The following SNX29 variants were observed in gnomAD, a reference collection of about 807,000 sequenced individuals.
The protein encoded by SNX29 is sorting nexin-29.
A neutral mutation model predicts 102.1 loss-of-function variants in SNX29; 78 were observed. That is an observed-to-expected ratio of 0.76 (90% CI 0.64 to 0.92). SNX29 has a LOEUF of 0.92. SNX29 is among the 40% of genes least tolerant of loss of function. The probability of loss-of-function intolerance (pLI) is 0.00; values close to 1 mark genes in which losing one functional copy is unlikely to be tolerated. For synonymous variants in SNX29, 580 were observed against 414.5 expected, an observed-to-expected ratio of 1.40 and a Z score of -4.85; for missense variants, 1,280 against 1,061.7, an observed-to-expected ratio of 1.21 and a Z score of -2.86.
At chr16:12,109,366 G>A (rs1016008486) in intron 11 of SNX29, among the ~76,000 whole-genome samples, 10 of 151,884 alleles carry the variant, frequency 6.6e-5, no homozygotes, top group African/African-American at 2.4e-4. Flanking sequence ...CACTCCCGTG[G>A]TACCCCATGC....
chr16:12,096,646 G>A lies in SNX29; in HGVS notation c.1402+17731G>A, dbSNP rs2052778949. ...ATGATTGGATGGGGCAAAACGGGAG[G>A]CAATGGGGTCATGTGGGAGTGATGT... On this transcript the variant is annotated intron_variant, in intron 11 of 20. Transcript: ENST00000566228. This position sits in a 1 kb window ranked among gnomAD's most constrained non-coding sequence, Gnocchi z 4.2. Among the ~76,000 whole-genome samples the A allele has an allele frequency of 6.6e-6, 1 of 152,208 alleles. No homozygotes were observed. Among genetic ancestry groups the A allele is most frequent in the South Asian group, 2.1e-4 (1 of 4,826 alleles).
At chr16:12,329,312 A>C (rs2081225589) in intron 15 of SNX29, among the ~76,000 whole-genome samples, 1 of 143,826 alleles carries the variant, frequency 7.0e-6, no homozygotes, top group South Asian at 2.2e-4. Flanking sequence ...AAATACCCCC[A>C]GTAGCTCTAG....
In SNX29 at chr16:12,126,643, C is replaced by T. The variant is rs376551482; in HGVS notation, c.1413C>T (p.Arg471=). 103 of 1,613,876 alleles carry T rather than the reference C, an allele frequency of 6.4e-5. No individual in the cohort carries two copies. The highest frequency in any genetic ancestry group is 8.4e-5 in the Non-Finnish European group (99 of 1,179,894). ...GTTTTCTTCCCTTAGGTGAACTGCGCCAGGCCACTGTGGCCATGATGAACA... is the reference window on the plus strand; with the variant it reads ...GTTTTCTTCCCTTAGGTGAACTGCGTCAGGCCACTGTGGCCATGATGAACA... The part of the protein sequence containing the change: ...VPESMTISEL[R]QATVAMMNRK... Residue 471 remains arginine (R), a synonymous_variant, in exon 12 of 21, where the codon CGC becomes CGT. Coordinates refer to ENST00000566228, the MANE Select transcript of SNX29 (RefSeq NM_032167.5).
chr16:12,516,102 C>T (rs1045791374), intron 19 of SNX29, among the ~76,000 whole-genome samples: 5 of 152,250 alleles, frequency 3.3e-5, no homozygotes, highest in East Asian at 1.9e-4. Context: ...CGATGGCTCT[C>T]GTCTAATTGC....
chr16:12,243,759 C>T (rs139238773), intron 14 of SNX29, among the ~76,000 whole-genome samples: 1 of 152,296 alleles, frequency 6.6e-6, no homozygotes, highest in African/African-American at 2.4e-5. Context: ...TGGGCTCATT[C>T]ACCCTCTCAG....
In SNX29 at chr16:12,568,188, G is replaced by A. The variant is rs144206387; in HGVS notation, c.2319-318G>A. On this transcript the variant is annotated intron_variant, in intron 20 of 20. Coordinates refer to ENST00000566228, the MANE Select transcript of SNX29 (RefSeq NM_032167.5). The stretch of plus-strand genomic sequence containing the variant: ...TGCTGGAAAATCAAGGAAAATGTGG[G>A]GAAGAAAGCTGTGCCTAGAACATTC... 6.3e-4 allele frequency among the ~76,000 whole-genome samples: 96 copies of A among 152,070 alleles called. 1 individual carries two copies. The highest frequency in any genetic ancestry group is 2.2e-3 in the African/African-American group (91 of 41,462).
intron 20 of SNX29, among the ~76,000 whole-genome samples, chr16:12,534,863 A>G (rs2077029733): frequency 6.6e-6 from 1 of 152,128 alleles, no homozygotes; most frequent in South Asian, 2.1e-4. Context: ...TGTCCCAACC[A>G]TGGGGGACAG....
chr16:12,477,105 G>C (rs1172627574), intron 18 of SNX29, among the ~76,000 whole-genome samples: 1 of 152,180 alleles, frequency 6.6e-6, no homozygotes, highest in Non-Finnish European at 1.5e-5. Context: ...TGTATCCCCA[G>C]AGTATTCTCT....
chr16:12,543,971 G>A (rs1286559983), intron 20 of SNX29, among the ~76,000 whole-genome samples: 2 of 152,174 alleles, frequency 1.3e-5, no homozygotes, highest in Non-Finnish European at 2.9e-5. Flanking sequence ...GGGAGAAATG[G>A]TCTCAGCCAA....
intron 19 of SNX29, among the ~76,000 whole-genome samples, chr16:12,513,378 G>T (rs1054110410): frequency 2.4e-4 from 35 of 148,442 alleles, no homozygotes; most frequent in African/African-American, 8.3e-4. Flanking sequence ...CCTCTGCCCT[G>T]CCCTGCTCTC....
At chr16:12,193,233 C>T (rs933179954) in intron 13 of SNX29, among the ~76,000 whole-genome samples, 4 of 152,036 alleles carry the variant, frequency 2.6e-5, no homozygotes, top group Non-Finnish European at 4.4e-5. Context: ...ACTTACATTC[C>T]ACTACAGGAG....
chr16:12,559,107 T>G (rs2141449673), intron 20 of SNX29, among the ~76,000 whole-genome samples: 1 of 152,250 alleles, frequency 6.6e-6, no homozygotes, highest in Admixed American at 6.5e-5. Context: ...GGATGAGTAG[T>G]AGTCAAATCA....
At chr16:12,536,218 A>T (rs1032649427) in intron 20 of SNX29, among the ~76,000 whole-genome samples, 1 of 152,178 alleles carries the variant, frequency 6.6e-6, no homozygotes, top group African/African-American at 2.4e-5. Flanking sequence ...CTGAGTAAGA[A>T]CAGGATTTCA....
chr16:11,984,594 T>C (rs2055531560), intron 1 of SNX29, among the ~76,000 whole-genome samples: 1 of 152,070 alleles, frequency 6.6e-6, no homozygotes, highest in South Asian at 2.1e-4. Context: ...TTGTAGAAAC[T>C]TAGCCTATCT....
At chr16:12,499,685 T>G (rs1014337482) in intron 19 of SNX29, among the ~76,000 whole-genome samples, 3 of 152,152 alleles carry the variant, frequency 2.0e-5, no homozygotes, top group Admixed American at 1.3e-4. Flanking sequence ...ACTTCTTTAT[T>G]TATTTAGAGA....
intron 19 of SNX29, among the ~76,000 whole-genome samples, chr16:12,498,663 C>G (rs2088951343): frequency 6.6e-6 from 1 of 152,148 alleles, no homozygotes; most frequent in Non-Finnish European, 1.5e-5. Context: ...CACACATAAG[C>G]AAACATGTAG....
chr16:12,557,022 C>A (rs980373117), intron 20 of SNX29, among the ~76,000 whole-genome samples: 2 of 48,610 alleles, frequency 4.1e-5, no homozygotes, highest in South Asian at 7.4e-4. Flanking sequence ...TTTACCCCCC[C>A]CCCGCCCCAA....
chr16:12,154,705 G>A (rs2055461911), intron 13 of SNX29, among the ~76,000 whole-genome samples: 1 of 152,166 alleles, frequency 6.6e-6, no homozygotes, highest in African/African-American at 2.4e-5. Context: ...TCATGGTTGT[G>A]GAGGCTGGAA....
intron 16 of SNX29, chr16:12,367,126 CT>C (rs992020380): frequency 6.6e-6 from 1 of 152,260 alleles, no homozygotes; most frequent in African/African-American, 2.4e-5. Flanking sequence ...TGGCTGACCC[CT>C]GATGAGTGTT....
Sources: allele counts gnomAD v4.1 joint callset (sites outside exome capture counted in the v4.1 genomes callset), GRCh38; gene constraint gnomAD v4.1.1; non-coding constraint Gnocchi (gnomAD v3.1); transcripts MANE v1.5; gene names NCBI Gene and HGNC (gene_info 2026-07-23, HGNC 2026-07-21).